The following TCF20 variants were observed in gnomAD, a reference collection of about 807,000 sequenced individuals.
TCF20 encodes the protein transcription factor 20.
TCF20 carries 3 observed loss-of-function variants against 148.6 expected under a neutral mutation model. The ratio of observed to expected loss-of-function variants is 0.02; its 90% CI spans 0.01 to 0.05. The LOEUF is 0.05. Among genes scored for constraint, TCF20 ranks in the 10% least tolerant of loss-of-function variants. The pLI is 1.00. For missense variants in TCF20, 2,350 were observed against 2,429.3 expected (o/e 0.97, Z 0.69); for synonymous variants, 1,049 against 909.5 (o/e 1.15, Z -2.76).
chr22:42,208,267 T>C (rs1360431612), intron 2 of TCF20, among the ~76,000 whole-genome samples: 1 of 151,586 alleles, frequency 6.6e-6, no homozygotes, highest in Non-Finnish European at 1.5e-5. Flanking sequence ...TCTTTAAAAG[T>C]CAGTACATTC....
chr22:42,285,352 C>T (rs368294406), upstream of TCF20, among the ~76,000 whole-genome samples: 3 of 151,970 alleles, frequency 2.0e-5, no homozygotes, highest in East Asian at 1.9e-4. This position sits in a 1 kb window ranked among gnomAD's most constrained non-coding sequence, Gnocchi z 4.2. Flanking sequence ...CAGCTCCCAC[C>T]GACTATAAAG....
At chr22:42,241,486 A>G (rs1371460521) in intron 1 of TCF20, among the ~76,000 whole-genome samples, 1 of 152,218 alleles carries the variant, frequency 6.6e-6, no homozygotes, top group Non-Finnish European at 1.5e-5. Flanking sequence ...CAACTGAAAA[A>G]TACAGTAAGA....
At chr22:42,209,497 T>C (rs1342988088) in intron 2 of TCF20, among the ~76,000 whole-genome samples, 154 bp downstream of exon 2, 1 of 152,256 alleles carries the variant, frequency 6.6e-6, no homozygotes, top group Non-Finnish European at 1.5e-5. Flanking sequence ...TATACAAATC[T>C]TCCAAATTAC....
At chr22:42,242,213 A>AC (rs1924480593) in intron 1 of TCF20, among the ~76,000 whole-genome samples, 1 of 149,614 alleles carries the variant, frequency 6.7e-6, no homozygotes, top group South Asian at 2.1e-4. Flanking sequence ...AAAAAAAAAA[A>AC]AAAAAAAAAA....
intron 1 of TCF20, among the ~76,000 whole-genome samples, chr22:42,219,432 G>A (rs1397860755): frequency 7.0e-5 from 10 of 143,032 alleles, no homozygotes; most frequent in Non-Finnish European, 1.2e-4. Context: ...AAAAGCATCA[G>A]TGTAGTCAGT....
At chr22:42,309,762 G>A (rs958670823) in intron 1 of TCF20, among the ~76,000 whole-genome samples, 18 of 152,230 alleles carry the variant, frequency 1.2e-4, no homozygotes, top group Non-Finnish European at 2.4e-4. Context: ...TTTCATGTCA[G>A]CTGCCAGTCG....
At chr22:42,256,486 T>C (rs1485815778) in intron 1 of TCF20, among the ~76,000 whole-genome samples, 1 of 152,120 alleles carries the variant, frequency 6.6e-6, no homozygotes, top group African/African-American at 2.4e-5. Context: ...TTTTTTTTTT[T>C]TTAAAGAGAC....
chr22:42,263,001 G>A (rs979695734), intron 1 of TCF20, among the ~76,000 whole-genome samples: 14 of 152,084 alleles, frequency 9.2e-5, no homozygotes, highest in Non-Finnish European at 1.5e-5. Flanking sequence ...ATGGTTTAAT[G>A]GACAGCTACC....
intron 5 of TCF20, among the ~76,000 whole-genome samples, chr22:42,167,482 C>T (rs1431995141): frequency 2.0e-5 from 3 of 152,176 alleles, no homozygotes; most frequent in African/African-American, 7.2e-5. Flanking sequence ...AACTAGTCCT[C>T]CTGCCCCATC....
At chr22:42,323,540 C>A (rs1927773280) in intron 1 of TCF20, among the ~76,000 whole-genome samples, 1 of 151,722 alleles carries the variant, frequency 6.6e-6, no homozygotes, top group South Asian at 2.1e-4. Context: ...TGGCAGCTGA[C>A]CCGAGCCATG....
At chr22:42,215,692 C>T (rs1195361811) in intron 1 of TCF20, among the ~76,000 whole-genome samples, 1 of 152,050 alleles carries the variant, frequency 6.6e-6, no homozygotes, top group African/African-American at 2.4e-5. Context: ...AGGCTGGTCT[C>T]GAACTCCTGA....
chr22:42,219,197 TA>T (rs1569158989), intron 1 of TCF20, among the ~76,000 whole-genome samples: 1 of 148,822 alleles, frequency 6.7e-6, no homozygotes, highest in South Asian at 2.2e-4. Context: ...CAGCCTGGGT[TA>T]AAAAAAATTT....
chr22:42,337,474 G>A (rs1187473349), intron 1 of TCF20, among the ~76,000 whole-genome samples: 2 of 152,072 alleles, frequency 1.3e-5, no homozygotes, highest in African/African-American at 2.4e-5. Context: ...CCCTCATCCT[G>A]TGCTTTTGTA....
chr22:42,231,375 T>TC (rs1041744453), intron 1 of TCF20, among the ~76,000 whole-genome samples: 98 of 152,144 alleles, frequency 6.4e-4, no homozygotes, highest in African/African-American at 2.3e-3. Context: ...TCCTAGCTAC[T>TC]CAGGAGGCTT....
intron 2 of TCF20, among the ~76,000 whole-genome samples, chr22:42,205,156 T>C (rs967933815): frequency 1.3e-5 from 2 of 152,232 alleles, no homozygotes; most frequent in African/African-American, 4.8e-5. Flanking sequence ...ACCTCTGTAA[T>C]ATCATTCATG....
At chr22:42,206,324 G>T (rs1284269777) in intron 2 of TCF20, among the ~76,000 whole-genome samples, 3 of 152,146 alleles carry the variant, frequency 2.0e-5, no homozygotes, top group Non-Finnish European at 4.4e-5. Flanking sequence ...AGGAGGTCAA[G>T]GCAGATGGAT....
At chr22:42,322,739 T>A (rs1927756862) in intron 1 of TCF20, among the ~76,000 whole-genome samples, 1 of 151,456 alleles carries the variant, frequency 6.6e-6, no homozygotes. Context: ...AATGAATGAG[T>A]GCCCGAGGGA....
intron 1 of TCF20, among the ~76,000 whole-genome samples, chr22:42,336,481 A>C (rs1450496746): frequency 2.4e-4 from 32 of 131,136 alleles, no homozygotes; most frequent in Middle Eastern, 3.9e-3. Context: ...TCCCTCCCCC[A>C]CCTCCCCATG....
intron 3 of TCF20, among the ~76,000 whole-genome samples, chr22:42,179,160 G>A (rs138225570): frequency 6.6e-6 from 1 of 152,164 alleles, no homozygotes; most frequent in Non-Finnish European, 1.5e-5. Context: ...AAAACAGTCT[G>A]ACAGTTCCTT....
Sources: allele counts gnomAD v4.1 joint callset (sites outside exome capture counted in the v4.1 genomes callset), GRCh38; gene constraint gnomAD v4.1.1; non-coding constraint Gnocchi (gnomAD v3.1); transcripts MANE v1.5; gene names NCBI Gene and HGNC (gene_info 2026-07-23, HGNC 2026-07-21).